Variants in ADAMTS18 observed in about 807,000 individuals in gnomAD.
ADAMTS18 encodes the protein A disintegrin and metalloproteinase with thrombospondin motifs 18.
ADAMTS18 carries 157 observed loss-of-function variants against 165.9 expected under a neutral mutation model. The ratio of observed to expected loss-of-function variants is 0.95; its 90% CI spans 0.83 to 1.08. The LOEUF is 1.08. Ranked by LOEUF, ADAMTS18 falls within the 50% of genes least tolerant of loss-of-function variation. The pLI, the probability that ADAMTS18 is intolerant of heterozygous loss-of-function variation, is 0.00. For synonymous variants in ADAMTS18, 782 were observed against 578.2 expected, an observed-to-expected ratio of 1.35 and a Z score of -5.06; for missense variants, 2,040 against 1,534.0, an observed-to-expected ratio of 1.33 and a Z score of -5.51.
At chr16:77,415,442 C>G (rs541132359) in intron 3 of ADAMTS18, among the ~76,000 whole-genome samples, 19 of 152,314 alleles carry the variant, frequency 1.2e-4, no homozygotes, top group African/African-American at 4.1e-4. Context: ...TGACCCTACT[C>G]TCAGGGGGCA....
Position 77,391,440 on chromosome 16 carries a change from C to T in ADAMTS18, c.496-23717G>A, listed in dbSNP as rs142143522. Reference sequence around the variant, plus strand: ...TGGGAGGTGGAAGTTGCAGTTAAGTCGAGATCACACCACTGCACTCCAGCC... The same window carrying T: ...TGGGAGGTGGAAGTTGCAGTTAAGTTGAGATCACACCACTGCACTCCAGCC... On this transcript the variant is annotated intron_variant, in intron 3 of 22. Transcript: ENST00000282849. Among the ~76,000 whole-genome samples, 115 of 150,410 alleles carry T rather than the reference C, an allele frequency of 7.6e-4. 3 individuals are homozygous for T. In the South Asian group the frequency reaches 0.023, roughly 31 times the overall value.
At chr16:77,400,616 G>A (rs896596139) in intron 3 of ADAMTS18, among the ~76,000 whole-genome samples, 1 of 151,788 alleles carries the variant, frequency 6.6e-6, no homozygotes, top group Non-Finnish European at 1.5e-5. Context: ...TAAGTAGCTG[G>A]GACTACAGGC....
At chr16:77,345,898 A>C (rs1186547616) in intron 10 of ADAMTS18, among the ~76,000 whole-genome samples, 1 of 152,108 alleles carries the variant, frequency 6.6e-6, no homozygotes, top group Non-Finnish European at 1.5e-5. Flanking sequence ...CACGAGAAAA[A>C]TCCAAAGTCC....
At chr16:77,423,868 G>A (rs189622963) in intron 3 of ADAMTS18, among the ~76,000 whole-genome samples, 1 of 152,182 alleles carries the variant, frequency 6.6e-6, no homozygotes, top group East Asian at 1.9e-4. Flanking sequence ...AACTTTAAAA[G>A]GCCTTAAGGC....
chr16:77,303,865 T>G (rs2055633525), intron 16 of ADAMTS18, among the ~76,000 whole-genome samples: 1 of 152,118 alleles, frequency 6.6e-6, no homozygotes, highest in African/African-American at 2.4e-5. Flanking sequence ...CCATCTCTAC[T>G]AAAAATATTA....
At chr16:77,428,607 G>C (rs75631243) in intron 3 of ADAMTS18, among the ~76,000 whole-genome samples, 1 of 152,076 alleles carries the variant, frequency 6.6e-6, no homozygotes, top group Non-Finnish European at 1.5e-5. Flanking sequence ...ACTTTGAAAA[G>C]CTGCTTGTCA....
At chr16:77,337,672 C>A (rs1597140614) in intron 11 of ADAMTS18, among the ~76,000 whole-genome samples, 1 of 152,216 alleles carries the variant, frequency 6.6e-6, no homozygotes, top group East Asian at 1.9e-4. Flanking sequence ...TTTTTTAGAT[C>A]TCTTCCAGTC....
At chr16:77,387,252 G>A (rs2057120908) in intron 3 of ADAMTS18, among the ~76,000 whole-genome samples, 1 of 152,176 alleles carries the variant, frequency 6.6e-6, no homozygotes, top group African/African-American at 2.4e-5. Flanking sequence ...AGTACAGTGT[G>A]GCAGGAAGAA....
intron 10 of ADAMTS18, 50 bp from the exon 11 acceptor site, chr16:77,341,849 A>G (rs202012929): frequency 1.5e-6 from 2 of 1,305,930 alleles, no homozygotes; most frequent in East Asian, 4.9e-5. Flanking sequence ...TACAATAAAA[A>G]CAAAAATATT....
chr16:77,374,869 TAACAA>T (rs1316515098), intron 3 of ADAMTS18, among the ~76,000 whole-genome samples: 1 of 152,176 alleles, frequency 6.6e-6, no homozygotes, highest in Non-Finnish European at 1.5e-5. Context: ...GAATTCTTTA[TAACAA>T]AACAAGAATT....
intron 3 of ADAMTS18, among the ~76,000 whole-genome samples, chr16:77,404,637 G>T (rs544727868): frequency 1.4e-4 from 22 of 152,264 alleles, no homozygotes; most frequent in African/African-American, 5.3e-4. Context: ...TTCTGTTTGT[G>T]TAATGAAAGG....
chr16:77,332,846 G>C (rs2056212613), intron 12 of ADAMTS18, among the ~76,000 whole-genome samples: 1 of 152,164 alleles, frequency 6.6e-6, no homozygotes, highest in African/African-American at 2.4e-5. Flanking sequence ...TTCTGTGTTT[G>C]AAGAAAATTG....
intron 4 of ADAMTS18, among the ~76,000 whole-genome samples, chr16:77,366,313 A>G (rs1415195684): frequency 1.3e-5 from 2 of 152,298 alleles, no homozygotes; most frequent in South Asian, 2.1e-4. Context: ...AATGCTAACA[A>G]TTGGGAGACC....
intron 16 of ADAMTS18, among the ~76,000 whole-genome samples, chr16:77,315,904 C>T (rs1480877641): frequency 2.0e-5 from 3 of 152,176 alleles, no homozygotes; most frequent in Non-Finnish European, 4.4e-5. Context: ...ATCTAAGGTA[C>T]ATTGCAAATA....
At chr16:77,417,634 G>A (rs1403345704) in intron 3 of ADAMTS18, among the ~76,000 whole-genome samples, 2 of 152,144 alleles carry the variant, frequency 1.3e-5, no homozygotes, top group Non-Finnish European at 2.9e-5. Flanking sequence ...CAAGTATGGC[G>A]ACTATTTTTA....
At chr16:77,334,748 G>GTATA (rs1306725099) in intron 12 of ADAMTS18, among the ~76,000 whole-genome samples, 4 of 108,892 alleles carry the variant, frequency 3.7e-5, no homozygotes, top group Non-Finnish European at 5.2e-5. Context: ...TATATATACT[G>GTATA]TATACTATAG....
At chr16:77,367,339 G>A (rs2056809746) in intron 4 of ADAMTS18, 102 bp downstream of exon 4, 3 of 1,315,748 alleles carry the variant, frequency 2.3e-6, no homozygotes, top group Admixed American at 1.8e-5. Flanking sequence ...GATGCTCAGG[G>A]TAGCCCCATT....
At chr16:77,311,089 A>G (rs1375696176) in intron 16 of ADAMTS18, among the ~76,000 whole-genome samples, 1 of 151,092 alleles carries the variant, frequency 6.6e-6, no homozygotes, top group Non-Finnish European at 1.5e-5. Flanking sequence ...ATGATGTCAT[A>G]CATATGAAAG....
At position 77,367,669 on chromosome 16, in the gene ADAMTS18, G is replaced by T. The variant is rs371007079; in HGVS notation, c.550C>A (p.Leu184Ile). Residue 184 changes from leucine to isoleucine, a missense_variant, in exon 4 of 23, where the codon CTT becomes ATT. Physicochemically the swap from Leu to Ile is conservative, Grantham distance 5. Coordinates refer to ENST00000282849, the MANE Select transcript of ADAMTS18 (RefSeq NM_199355.4). ...NEFLISPLPQ[L>I]LAQEHNYSSP... is the part of the protein sequence containing the mutation. The stretch of plus-strand genomic sequence containing the variant: ...CTGTAGTTGTGTTCCTGGGCCAGAA[G>T]CTGAGGTAATGGCGAGATGAGGAAT... The T allele has an allele frequency of 3.7e-6, 6 of 1,614,082 alleles. No homozygotes were observed. The highest frequency in any genetic ancestry group is 4.2e-6 in the Non-Finnish European group (5 of 1,180,038).
Sources: gnomAD v4.1 joint callset for allele counts (sites outside exome capture counted in the v4.1 genomes callset) on GRCh38, gnomAD v4.1.1 for gene constraint, MANE v1.5 for transcripts, NCBI Gene and HGNC (gene_info 2026-07-23, HGNC 2026-07-21) for gene names.